WDR1: variants seen among roughly 807,000 people sequenced by gnomAD.
The protein encoded by WDR1 is WD repeat-containing protein 1.
Under a neutral mutation model 71.9 loss-of-function variants are expected in WDR1, and 21 were observed. The observed-to-expected ratio is 0.29, with a 90% confidence interval of 0.21 to 0.42. The LOEUF (loss-of-function observed/expected upper bound fraction) is 0.42, where lower values mean the gene tolerates loss of function less well. Ranked by LOEUF, WDR1 falls within the 10% of genes least tolerant of loss-of-function variation. WDR1 has a pLI of 1.00. For missense variants in WDR1, 696 were observed against 824.5 expected, an observed-to-expected ratio of 0.84 and a Z score of 1.91; for synonymous variants, 424 against 347.4, an observed-to-expected ratio of 1.22 and a Z score of -2.45.
chr4:10,102,440 G>A (rs898663510), intron 3 of WDR1, among the ~76,000 whole-genome samples: 21 of 152,230 alleles, frequency 1.4e-4, no homozygotes, highest in African/African-American at 5.1e-4. Context: ...TGGGTATTAT[G>A]ACATGAGCAG....
At chr4:10,104,026 A>C in intron 2 of WDR1, 40 bp from the exon 3 acceptor site, 1 of 1,553,612 alleles carries the variant, frequency 6.4e-7, no homozygotes, top group East Asian at 2.4e-5. Flanking sequence ...AGGAATGGAG[A>C]AGCAGTCAAG....
At chr4:10,080,532 C>A (rs10516200) in intron 11 of WDR1, among the ~76,000 whole-genome samples, 45,482 of 152,184 alleles carry the variant, frequency 0.3, 7,206 homozygotes, top group East Asian at 0.54. Context: ...CTGTCCCTAA[C>A]GCAATTAAGT....
At chr4:10,100,748 T>G (rs1250356886) in intron 3 of WDR1, among the ~76,000 whole-genome samples, 1 of 152,058 alleles carries the variant, frequency 6.6e-6, no homozygotes, top group Non-Finnish European at 1.5e-5. Context: ...TTAAGTCCTT[T>G]CACTGATAAA....
In WDR1 at chr4:10,102,556, T is replaced by C. The variant is rs539071113; in HGVS notation, c.229+1340A>G. Among the ~76,000 whole-genome samples, 12 of 152,264 alleles carry C rather than the reference T, an allele frequency of 7.9e-5. No individual in the cohort carries two copies. In the South Asian group the frequency reaches 1.7e-3, roughly 21 times the overall value. On this transcript the variant is annotated intron_variant, in intron 3 of 14. Coordinates refer to ENST00000499869, the MANE Select transcript of WDR1 (RefSeq NM_017491.5). ...AAGGCCCTTGACAGATACCGGCCCC[T>C]GCTGTGCAACGGCCCCTGCTGTCCA...
intron 2 of WDR1, chr4:10,108,409 A>G (rs1713150284): frequency 6.6e-6 from 1 of 152,200 alleles, no homozygotes; most frequent in South Asian, 2.1e-4. Flanking sequence ...CCCAAGCAAA[A>G]AACATTTCAG....
chr4:10,081,099 G>A (rs1428653469), intron 11 of WDR1, among the ~76,000 whole-genome samples: 2 of 152,226 alleles, frequency 1.3e-5, no homozygotes, highest in Non-Finnish European at 2.9e-5. Context: ...GAGGCTTAGA[G>A]ACAAATCCCA....
In WDR1 at chr4:10,098,925, G is replaced by T. The variant is rs1409083915; in HGVS notation, c.377+67C>A. 7 of 1,600,440 alleles carry T rather than the reference G, an allele frequency of 4.4e-6. No homozygotes were observed. In the Admixed American group the frequency reaches 1.0e-4, roughly 23 times the overall value. On this transcript the variant is annotated intron_variant, in intron 4 of 14. Coordinates refer to ENST00000499869, the MANE Select transcript of WDR1 (RefSeq NM_017491.5). ...CAGACATCAGCGCATCCCCCTCCCA[G>T]GGTCATAGCACATGGACGCATGAGC...
At chr4:10,098,007 G>A in intron 4 of WDR1, 116 bp from the exon 5 acceptor site, 1 of 1,113,382 alleles carries the variant, frequency 9.0e-7, no homozygotes, top group South Asian at 1.7e-5. Context: ...GTGACTGTCA[G>A]CAGGCAGCTC....
chr4:10,112,171 G>A (rs539310748), intron 2 of WDR1, among the ~76,000 whole-genome samples: 2 of 152,040 alleles, frequency 1.3e-5, no homozygotes, highest in Admixed American at 6.5e-5. Flanking sequence ...AAACAGGTTC[G>A]TTCACAGCCA....
At chr4:10,079,345 A>C (rs1462653937) in intron 11 of WDR1, among the ~76,000 whole-genome samples, 4 of 152,262 alleles carry the variant, frequency 2.6e-5, no homozygotes, top group African/African-American at 9.6e-5. Context: ...AACAACAGTA[A>C]ACAAAAACAG....
chr4:10,103,429 C>T (rs1193570188), intron 3 of WDR1, among the ~76,000 whole-genome samples: 1 of 152,148 alleles, frequency 6.6e-6, no homozygotes, highest in African/African-American at 2.4e-5. Context: ...CTAACTGCAA[C>T]ACTACAAACT....
At chr4:10,086,569 GAC>G (rs3834234) in intron 8 of WDR1, among the ~76,000 whole-genome samples, 25,071 of 152,172 alleles carry the variant, frequency 0.16, 2,572 homozygotes, top group Middle Eastern at 0.24. Context: ...AGGAGCCACT[GAC>G]AGCACAGCAC....
rs1764752366 is a variant in WDR1 at position 10,075,186 on chromosome 4, GTTACTGTCTAAAGCT to G, written c.*177_*191del. 7.0e-6 allele frequency: 4 copies of G among 568,668 alleles called. No homozygotes were observed. The highest frequency in any genetic ancestry group is 1.3e-5 in the Non-Finnish European group (4 of 318,908). The allele number at this position is 568,668 out of a possible 1,614,324, so 35.2% of individuals were successfully genotyped here. On this transcript the variant is annotated 3_prime_UTR_variant, in exon 15 of 15. Transcript: ENST00000499869. ...TCGCTTTATTTTTCATGTGCAAACT[GTTACTGTCTAAAGCT>G]TTCAGAAGAACGTGTACAGACACCC...
chr4:10,098,974 C>T lies in WDR1; in HGVS notation c.377+18G>A. 1 of 1,613,868 alleles carries T rather than the reference C, an allele frequency of 6.2e-7. No individual in the cohort carries two copies. The highest frequency in any genetic ancestry group is 8.5e-7 in the Non-Finnish European group (1 of 1,179,814). On this transcript the variant is annotated intron_variant, in intron 4 of 14. Coordinates refer to ENST00000499869, the MANE Select transcript of WDR1 (RefSeq NM_017491.5). ...GCCACAGCAACAGGGCAGGGAGGGG[C>T]TGAGAGGAGTGACTCACTTCTCCCT...
At chr4:10,102,191 G>A (rs570194860) in intron 3 of WDR1, among the ~76,000 whole-genome samples, 22 of 152,218 alleles carry the variant, frequency 1.4e-4, no homozygotes, top group Non-Finnish European at 2.6e-4. Context: ...GCCATGCTGG[G>A]CATATCCATG....
intron 2 of WDR1, among the ~76,000 whole-genome samples, chr4:10,113,632 A>G (rs1211069854): frequency 1.3e-5 from 2 of 152,122 alleles, no homozygotes; most frequent in African/African-American, 4.8e-5. Context: ...AAGCAAGGAG[A>G]CCTGTTTGGT....
chr4:10,078,401 G>A (rs185317385), intron 12 of WDR1, among the ~76,000 whole-genome samples: 154 of 152,332 alleles, frequency 1.0e-3, no homozygotes, highest in African/African-American at 3.6e-3. Flanking sequence ...AAGGGCATGA[G>A]AATTATGCCG....
intron 2 of WDR1, among the ~76,000 whole-genome samples, chr4:10,106,081 T>C (rs1712993579): frequency 7.8e-6 from 1 of 127,902 alleles, no homozygotes; most frequent in South Asian, 2.5e-4. Context: ...AGAAAGCAGA[T>C]AAGCAGCTGC....
chr4:10,081,679 A>AGGGGG (rs1765021596), intron 10 of WDR1, among the ~76,000 whole-genome samples: 1 of 9,194 alleles, frequency 1.1e-4, no homozygotes, highest in Non-Finnish European at 2.2e-4. Context: ...GGGGGGAAGG[A>AGGGGG]GGGGCGGGAG....
Sources: allele counts gnomAD v4.1 joint callset (sites outside exome capture counted in the v4.1 genomes callset), GRCh38; gene constraint gnomAD v4.1.1; transcripts MANE v1.5; gene names NCBI Gene and HGNC (gene_info 2026-07-23, HGNC 2026-07-21).